The following SPMAP2L variants were observed in gnomAD, a reference collection of about 807,000 sequenced individuals.
The protein encoded by SPMAP2L is sperm microtubule associated protein 2-like.
chr4:56,577,743 C>G, the SPMAP2L span, among the ~76,000 whole-genome samples: 1 of 152,186 alleles, frequency 6.6e-6, no homozygotes. Context: ...ACCTGCTTTA[C>G]GAGAAATAAT....
chr4:56,547,022 G>C, the SPMAP2L span, among the ~76,000 whole-genome samples: 1 of 152,104 alleles, frequency 6.6e-6, no homozygotes, highest in East Asian at 1.9e-4. Flanking sequence ...TTCGTCATTT[G>C]TGTTCTCTCC....
the SPMAP2L span, chr4:56,530,640 G>C: frequency 3.3e-6 from 5 of 1,519,356 alleles, no homozygotes; most frequent in African/African-American, 1.4e-5. Context: ...CCAGTCGGGA[G>C]GGTGAGTCCC....
chr4:56,595,469 T>C, the SPMAP2L span: 37 of 1,601,014 alleles, frequency 2.3e-5, no homozygotes, highest in Non-Finnish European at 3.0e-5. Context: ...GAGGGCCGCA[T>C]CGACCCCAGG....
the SPMAP2L span, among the ~76,000 whole-genome samples, chr4:56,582,299 T>C: frequency 4.9e-4 from 75 of 152,056 alleles, 1 homozygote; most frequent in Non-Finnish European, 2.6e-4. Flanking sequence ...AAATCATATA[T>C]CTGATCAGGG....
the SPMAP2L span, among the ~76,000 whole-genome samples, chr4:56,589,745 G>A: frequency 2.0e-5 from 3 of 150,426 alleles, no homozygotes; most frequent in South Asian, 2.1e-4. Context: ...TGTGTGGGGG[G>A]GTTTTGTTTT....
chr4:56,625,970 G>T, the SPMAP2L span, among the ~76,000 whole-genome samples: 1 of 152,132 alleles, frequency 6.6e-6, no homozygotes, highest in African/African-American at 2.4e-5. Flanking sequence ...GCTACCCTGT[G>T]GGTTGGCCAC....
the SPMAP2L span, among the ~76,000 whole-genome samples, chr4:56,568,936 C>T: frequency 6.6e-6 from 1 of 152,158 alleles, no homozygotes; most frequent in Non-Finnish European, 1.5e-5. Context: ...TGACTGTCTT[C>T]TTTTGCTTAG....
the SPMAP2L span, chr4:56,593,403 T>C: frequency 8.0e-6 from 11 of 1,368,680 alleles, no homozygotes; most frequent in South Asian, 3.5e-5. Context: ...AGTTACCCTG[T>C]GAAATGGACT....
the SPMAP2L span, among the ~76,000 whole-genome samples, chr4:56,597,612 G>C: frequency 6.6e-6 from 1 of 152,178 alleles, no homozygotes; most frequent in African/African-American, 2.4e-5. Context: ...ACTTGTGACT[G>C]TCAGGCAAAT....
At chr4:56,601,762 AAGAG>A in the SPMAP2L span, among the ~76,000 whole-genome samples, 3 of 152,174 alleles carry the variant, frequency 2.0e-5, no homozygotes, top group Non-Finnish European at 4.4e-5. Flanking sequence ...GGCTCTAAGA[AAGAG>A]AAAGGAAAAA....
chr4:56,558,761 C>G, the SPMAP2L span, among the ~76,000 whole-genome samples: 2 of 152,096 alleles, frequency 1.3e-5, no homozygotes, highest in Admixed American at 1.3e-4. Flanking sequence ...TGGCCAAATC[C>G]TATTGTCGTT....
the SPMAP2L span, among the ~76,000 whole-genome samples, chr4:56,591,851 T>C: frequency 6.6e-6 from 1 of 152,248 alleles, no homozygotes; most frequent in South Asian, 2.1e-4. Context: ...CTTCTTTTTC[T>C]TATCTATTCC....
the SPMAP2L span, among the ~76,000 whole-genome samples, chr4:56,615,747 CAAAA>C: frequency 1.4e-5 from 2 of 139,034 alleles, no homozygotes; most frequent in South Asian, 4.6e-4. Flanking sequence ...GACTGTATCT[CAAAA>C]CAAACAAACA....
the SPMAP2L span, among the ~76,000 whole-genome samples, chr4:56,567,834 A>G: frequency 6.6e-6 from 1 of 151,858 alleles, no homozygotes; most frequent in South Asian, 2.1e-4. Context: ...TGTTTTTTTC[A>G]TAATGTTTCT....
chr4:56,583,875 G>A, the SPMAP2L span, among the ~76,000 whole-genome samples: 1,038 of 152,118 alleles, frequency 6.8e-3, 14 homozygotes, highest in African/African-American at 0.024. Context: ...AAAAATTAGA[G>A]TGCATTGTAT....
the SPMAP2L span, among the ~76,000 whole-genome samples, chr4:56,623,130 T>G: frequency 6.6e-6 from 1 of 152,216 alleles, no homozygotes; most frequent in Admixed American, 6.5e-5. Context: ...ATGAGGCTCC[T>G]TTAATTCTTT....
chr4:56,566,696 T>TC, the SPMAP2L span, among the ~76,000 whole-genome samples: 5 of 16,244 alleles, frequency 3.1e-4, no homozygotes, highest in African/African-American at 7.5e-4. Context: ...TTTCTTTTTC[T>TC]TTTTTTTTTT....
chr4:56,571,069 G>T, the SPMAP2L span, among the ~76,000 whole-genome samples: 1 of 151,698 alleles, frequency 6.6e-6, no homozygotes, highest in Non-Finnish European at 1.5e-5. Context: ...CTCCCAAAGG[G>T]CTGGGATTAC....
chr4:56,611,039 C>A, the SPMAP2L span, among the ~76,000 whole-genome samples: 1 of 152,148 alleles, frequency 6.6e-6, no homozygotes, highest in African/African-American at 2.4e-5. Context: ...GTGTGGAGAT[C>A]CCTTAGAAAA....
Sources: gnomAD v4.1 joint callset for allele counts (sites outside exome capture counted in the v4.1 genomes callset) on GRCh38, gnomAD v4.1.1 for gene constraint, MANE v1.5 for transcripts, NCBI Gene and HGNC (gene_info 2026-07-23, HGNC 2026-07-21) for gene names.